TCFL5: variants seen among roughly 807,000 people sequenced by gnomAD.
TCFL5 encodes the protein transcription factor like 5, also known as transcription factor-like 5 protein.
TCFL5 carries 9 observed loss-of-function variants against 44.3 expected under a neutral mutation model. That is an observed-to-expected ratio of 0.20 (90% confidence interval 0.12 to 0.35). The LOEUF (loss-of-function observed/expected upper bound fraction) is 0.35. Among genes scored for constraint, TCFL5 ranks in the 10% least tolerant of loss-of-function variants. TCFL5 has a pLI of 1.00. For missense variants in TCFL5, 603 were observed against 613.4 expected (o/e 0.98, Z 0.18); for synonymous variants, 319 against 271.6 (o/e 1.17, Z -1.72).
At chr20:62,848,865 G>A (rs908205361) in intron 5 of TCFL5, among the ~76,000 whole-genome samples, 1 of 152,060 alleles carries the variant, frequency 6.6e-6, no homozygotes, top group Non-Finnish European at 1.5e-5. Flanking sequence ...GTGAAACCCT[G>A]TCTCTATTAA....
chr20:62,844,582 G>GTTTTTTTTTTTTTTTTTTTTGTTT (rs745684819), intron 5 of TCFL5, among the ~76,000 whole-genome samples: 1 of 120,562 alleles, frequency 8.3e-6, no homozygotes, highest in African/African-American at 3.6e-5. Context: ...TTTGTTTTTT[G>GTTTTTTTTTTTTTTTTTTTTGTTT]TTTTTTTTTT....
At chr20:62,846,933 G>C (rs6062371) in intron 5 of TCFL5, among the ~76,000 whole-genome samples, 39,960 of 151,894 alleles carry the variant, frequency 0.26, 5,382 homozygotes, top group Middle Eastern at 0.32. Context: ...ACCTGTAATC[G>C]CAGCACTTTG....
In TCFL5 at chr20:62,841,207, A is replaced by G. The variant is rs2063676791; in HGVS notation, c.*768T>C. ...GTGTACAAACTCACATCTCCAATTA[A>G]CAGTATTTATTGAGGGTGACTTTGT... On this transcript the variant is annotated 3_prime_UTR_variant, in exon 6 of 6. Transcript: ENST00000335351. 1.2e-5 allele frequency: 2 copies of G among 168,272 alleles called. No individual in the cohort carries two copies. Among genetic ancestry groups the G allele is most frequent in the Non-Finnish European group, 1.3e-5 (1 of 77,090 alleles). The allele number at this position is 168,272 out of a possible 1,614,324, so 10.4% of individuals were successfully genotyped here. A position where few individuals can be genotyped will look rare whatever the true frequency, so the allele number is the denominator to read the frequency against.
At position 62,841,858 on chromosome 20, in the gene TCFL5, C is replaced by T; in HGVS notation, c.*117G>A. ...AAAGTCCCTACTGGAGTCCCGTCAGCTTGAGTCACGCCCTTTTCGAGTCAG... is the reference window on the plus strand; with the variant it reads ...AAAGTCCCTACTGGAGTCCCGTCAGTTTGAGTCACGCCCTTTTCGAGTCAG... On this transcript the variant is annotated 3_prime_UTR_variant, in exon 6 of 6. Coordinates refer to ENST00000335351, the MANE Select transcript of TCFL5 (RefSeq NM_006602.4). 2.1e-6 allele frequency: 3 copies of T among 1,420,214 alleles called. No individual in the cohort carries two copies. The highest frequency in any genetic ancestry group is 2.8e-6 in the Non-Finnish European group (3 of 1,058,540). The allele number at this position is 1,420,214 out of a possible 1,614,324, so 88.0% of individuals were successfully genotyped here. A position where few individuals can be genotyped will look rare whatever the true frequency, so the allele number is the denominator to read the frequency against.
chr20:62,850,908 C>T (rs1241214618), intron 5 of TCFL5, among the ~76,000 whole-genome samples: 2 of 152,080 alleles, frequency 1.3e-5, no homozygotes, highest in Non-Finnish European at 2.9e-5. Context: ...CCGGCTGGCT[C>T]GCAGCAGCAC....
At chr20:62,857,808 C>T (rs1361688265) in intron 3 of TCFL5, among the ~76,000 whole-genome samples, 170 bp from the exon 4 acceptor site, 1 of 152,050 alleles carries the variant, frequency 6.6e-6, no homozygotes, top group Non-Finnish European at 1.5e-5. Flanking sequence ...TCAGCAGGGA[C>T]CATGAAGCCC....
At chr20:62,846,847 T>C (rs1019693260) in intron 5 of TCFL5, among the ~76,000 whole-genome samples, 1 of 148,822 alleles carries the variant, frequency 6.7e-6, no homozygotes, top group Admixed American at 6.7e-5. Context: ...AAAAAAGAAA[T>C]AGCTCTAACT....
intron 5 of TCFL5, among the ~76,000 whole-genome samples, chr20:62,844,329 G>C (rs564559610): frequency 4.6e-5 from 7 of 152,138 alleles, no homozygotes; most frequent in African/African-American, 1.7e-4. Flanking sequence ...AATGACTAAC[G>C]GCTTGGCGCA....
intron 1 of TCFL5, 93 bp from the exon 2 acceptor site, chr20:62,860,401 G>A: frequency 8.8e-7 from 1 of 1,134,258 alleles, no homozygotes; most frequent in Non-Finnish European, 1.3e-6. Flanking sequence ...AGTTTTTCCA[G>A]ACAGCAACCC....
chr20:62,844,561 G>GTT (rs911762716), intron 5 of TCFL5, among the ~76,000 whole-genome samples: 23 of 138,876 alleles, frequency 1.7e-4, no homozygotes, highest in African/African-American at 5.4e-4. Context: ...TTTTTTTTCT[G>GTT]TTTTTTTTTG....
In TCFL5 at chr20:62,857,622, T is replaced by C. The variant is rs774820603; in HGVS notation, c.1011A>G (p.Lys337=). 17 of 1,614,116 alleles carry C rather than the reference T, an allele frequency of 1.1e-5. No individual in the cohort carries two copies. Among genetic ancestry groups the C allele is most frequent in the Middle Eastern group, 1.6e-4 (1 of 6,084 alleles). The change falls in exon 4 of 6, where the codon AAA becomes AAG. Residue 337 remains lysine, a synonymous_variant. Transcript: ENST00000335351. ...WIKVGEAALC[K]QALKRNRSRM... ...TACTCCGATTCCTCTTCAGTGCTTG[T>C]TTGCATAGCGCTGCTTCTTTGCGAA... is the stretch of plus-strand genomic sequence containing the variant.
chr20:62,858,032 C>T (rs915082040), intron 3 of TCFL5, among the ~76,000 whole-genome samples: 5 of 151,784 alleles, frequency 3.3e-5, no homozygotes, highest in Admixed American at 6.6e-5. Context: ...GGACATATTT[C>T]CTCCCAAAAA....
At position 62,842,257 on chromosome 20, in the gene TCFL5, T is replaced by C. The variant is rs1600818703; in HGVS notation, c.1381-160A>G. 6.6e-6 allele frequency among the ~76,000 whole-genome samples: 1 copy of C among 151,206 alleles called. No homozygotes were observed. The highest frequency in any genetic ancestry group is 6.6e-5 in the Admixed American group (1 of 15,190). On this transcript the variant is annotated intron_variant, in intron 5 of 5. Coordinates refer to ENST00000335351, the MANE Select transcript of TCFL5 (RefSeq NM_006602.4). The surrounding 1 kb of genome is among the most constrained non-coding windows in gnomAD (Gnocchi z 4.3). ...ACTTGTGTCTTACCTCACAAGGGGA[T>C]TTATATAATAAACAGATTTTAACTT...
chr20:62,846,455 A>G (rs1322156727), intron 5 of TCFL5, among the ~76,000 whole-genome samples: 1 of 152,124 alleles, frequency 6.6e-6, no homozygotes, highest in African/African-American at 2.4e-5. Context: ...ATGTCATCGC[A>G]CTCTCAATCT....
At chr20:62,844,096 G>T (rs2063709118) in intron 5 of TCFL5, among the ~76,000 whole-genome samples, 1 of 152,128 alleles carries the variant, frequency 6.6e-6, no homozygotes, top group Non-Finnish European at 1.5e-5. Context: ...CCTCTTTGGG[G>T]TTTATGCTTC....
chr20:62,857,089 G>GACTA (rs763181758), intron 4 of TCFL5, among the ~76,000 whole-genome samples: 6 of 152,204 alleles, frequency 3.9e-5, no homozygotes. Context: ...CGCGCTCTTA[G>GACTA]AAGCTTGCAC....
chr20:62,852,590 TGCATATGCTGG>T (rs2063825383), intron 5 of TCFL5: 39 of 984,930 alleles, frequency 4.0e-5, no homozygotes, highest in Non-Finnish European at 4.7e-5. Context: ...CCTGAGGGAC[TGCATATGCTGG>T]CGCTAACACG....
chr20:62,843,025 C>T (rs1005242411), intron 5 of TCFL5, among the ~76,000 whole-genome samples: 1 of 152,122 alleles, frequency 6.6e-6, no homozygotes, highest in Non-Finnish European at 1.5e-5. Context: ...CTCAACCTCC[C>T]GAAGGAGACT....
At chr20:62,843,423 A>G (rs898533641) in intron 5 of TCFL5, among the ~76,000 whole-genome samples, 1 of 152,162 alleles carries the variant, frequency 6.6e-6, no homozygotes, top group African/African-American at 2.4e-5. Context: ...GTTTTAAAAT[A>G]ATTCAGCGGG....
Sources: gnomAD v4.1 joint callset for allele counts (sites outside exome capture counted in the v4.1 genomes callset) on GRCh38, gnomAD v4.1.1 for gene constraint, Gnocchi (gnomAD v3.1) non-coding constraint, MANE v1.5 for transcripts, NCBI Gene and HGNC (gene_info 2026-07-23, HGNC 2026-07-21) for gene names.